The following PTPRN2 variants were observed in gnomAD, a reference collection of about 807,000 sequenced individuals.
The protein encoded by PTPRN2 is protein tyrosine phosphatase receptor type N2, also known as receptor-type tyrosine-protein phosphatase N2.
In PTPRN2, 74 loss-of-function variants were observed where a neutral mutation model predicts 118.8. That is an observed-to-expected ratio of 0.62 (90% CI 0.52 to 0.76). The LOEUF (loss-of-function observed/expected upper bound fraction) is 0.76, where lower values mean the gene tolerates loss of function less well. PTPRN2 is among the 30% of genes least tolerant of loss of function. PTPRN2 has a pLI of 0.00. For missense variants in PTPRN2, 1,481 were observed against 1,394.4 expected (o/e 1.06, Z -0.99); for synonymous variants, 641 against 608.0 (o/e 1.05, Z -0.80).
At chr7:157,679,638 C>G (rs1796824387) in intron 13 of PTPRN2, among the ~76,000 whole-genome samples, 1 of 152,208 alleles carries the variant, frequency 6.6e-6, no homozygotes, top group Non-Finnish European at 1.5e-5. Context: ...GAAAAGCTCT[C>G]TTACTCCCCA....
intron 9 of PTPRN2, among the ~76,000 whole-genome samples, chr7:158,122,564 T>C (rs1289302984): frequency 6.6e-6 from 1 of 152,098 alleles, no homozygotes; most frequent in Non-Finnish European, 1.5e-5. Flanking sequence ...GTCGGAAATA[T>C]AAAGAGTAGT....
chr7:158,096,904 T>C (rs1814672650), intron 10 of PTPRN2, among the ~76,000 whole-genome samples: 1 of 152,232 alleles, frequency 6.6e-6, no homozygotes, highest in Admixed American at 6.5e-5. Context: ...CTGCGGGGGC[T>C]CTTGGCTTTG....
chr7:157,719,333 A>AG (rs1222861234), intron 12 of PTPRN2, among the ~76,000 whole-genome samples: 5 of 152,190 alleles, frequency 3.3e-5, no homozygotes, highest in Admixed American at 6.5e-5. Context: ...GTGCTTCCCA[A>AG]GGGACCCTGA....
At chr7:158,514,902 G>T (rs890375907) in intron 1 of PTPRN2, among the ~76,000 whole-genome samples, 1 of 152,170 alleles carries the variant, frequency 6.6e-6, no homozygotes, top group African/African-American at 2.4e-5. Context: ...TGCTGCTCCT[G>T]GACCCGCTCT....
chr7:158,024,725 G>A (rs1807140708), intron 11 of PTPRN2, among the ~76,000 whole-genome samples: 1 of 152,172 alleles, frequency 6.6e-6, no homozygotes, highest in Admixed American at 6.5e-5. Context: ...GCAGGAAGGG[G>A]GCCAAGGCCA....
At position 157,541,422 on chromosome 7, in the gene PTPRN2, C is replaced by T. The variant is rs1329349516; in HGVS notation, c.2977-637G>A. On this transcript the variant is annotated intron_variant, in intron 22 of 22. Coordinates refer to ENST00000389418, the MANE Select transcript of PTPRN2 (RefSeq NM_002847.5). ...CACCTGAGGGGCACCCCTCCCTCCA[C>T]GGACAGCCTGCCGAGAGCATCCAGT... 3.3e-5 allele frequency among the ~76,000 whole-genome samples: 5 copies of T among 152,390 alleles called. No individual in the cohort carries two copies. The South Asian group carries it at 6.2e-4, about 19-fold the overall frequency.
intron 5 of PTPRN2, among the ~76,000 whole-genome samples, chr7:158,188,082 C>A (rs1021765305): frequency 1.3e-5 from 2 of 152,078 alleles, no homozygotes; most frequent in Admixed American, 1.3e-4. Context: ...AAGAGATGAA[C>A]CCCCAGTGGC....
intron 12 of PTPRN2, among the ~76,000 whole-genome samples, chr7:157,870,543 T>C (rs905005205): frequency 3.3e-5 from 5 of 152,366 alleles, no homozygotes; most frequent in African/African-American, 1.2e-4. Flanking sequence ...CTTTTCAAAC[T>C]GATATATTCT....
intron 11 of PTPRN2, among the ~76,000 whole-genome samples, chr7:158,053,390 C>T (rs1017937506): frequency 9.2e-5 from 14 of 152,172 alleles, no homozygotes; most frequent in Non-Finnish European, 1.6e-4. Context: ...CACAGCACAG[C>T]GAACTCCGAT....
chr7:158,270,785 C>CCCCCA (rs1798302155), intron 3 of PTPRN2, among the ~76,000 whole-genome samples: 1 of 121,450 alleles, frequency 8.2e-6, no homozygotes, highest in African/African-American at 3.3e-5. Flanking sequence ...CCTGGACCAC[C>CCCCCA]CCTCCACCTG....
chr7:158,465,676 C>T (rs1354477788), intron 2 of PTPRN2, among the ~76,000 whole-genome samples: 1 of 152,242 alleles, frequency 6.6e-6, no homozygotes, highest in East Asian at 1.9e-4. Flanking sequence ...CAAGTACCAG[C>T]TGTTTAACCA....
intron 12 of PTPRN2, among the ~76,000 whole-genome samples, chr7:157,709,028 TAC>T (rs1798468769): frequency 6.6e-6 from 1 of 152,200 alleles, no homozygotes; most frequent in Admixed American, 6.5e-5. Context: ...GGCTGGAGAC[TAC>T]AGTCTGGACC....
chr7:157,633,341 C>G (rs1462925170), intron 14 of PTPRN2, among the ~76,000 whole-genome samples: 3 of 152,142 alleles, frequency 2.0e-5, no homozygotes, highest in Non-Finnish European at 4.4e-5. Flanking sequence ...CAGGGTTTTA[C>G]CATGTTGGCC....
chr7:158,373,338 G>A (rs887000898), intron 2 of PTPRN2, among the ~76,000 whole-genome samples: 9 of 151,956 alleles, frequency 5.9e-5, no homozygotes, highest in Non-Finnish European at 1.2e-4. Context: ...TTGCTAAAAG[G>A]TTGAAGGCAC....
chr7:157,772,569 A>G (rs1420081666), intron 12 of PTPRN2, among the ~76,000 whole-genome samples: 1 of 152,168 alleles, frequency 6.6e-6, no homozygotes, highest in Non-Finnish European at 1.5e-5. Context: ...ACCGCCTGTG[A>G]ACGACTGTGA....
intron 13 of PTPRN2, 23 bp downstream of exon 13, chr7:157,682,702 C>CT: frequency 5.6e-6 from 9 of 1,598,712 alleles, no homozygotes; most frequent in Non-Finnish European, 7.7e-6. Context: ...CGATATACCA[C>CT]TTTTTAAAAA....
At chr7:158,562,406 T>A (rs1050158476) in intron 1 of PTPRN2, among the ~76,000 whole-genome samples, 2 of 152,092 alleles carry the variant, frequency 1.3e-5, no homozygotes, top group Non-Finnish European at 2.9e-5. Flanking sequence ...TTTCAACACA[T>A]GCACTTGCGG....
chr7:157,698,922 C>T (rs533812760), intron 12 of PTPRN2, among the ~76,000 whole-genome samples: 1 of 152,182 alleles, frequency 6.6e-6, no homozygotes, highest in African/African-American at 2.4e-5. Flanking sequence ...AGACTCATTA[C>T]CACATGAACA....
At position 158,440,483 on chromosome 7, in the gene PTPRN2, ATGG is replaced by A. The variant is rs1216732593; in HGVS notation, c.163+49249_163+49251del. On this transcript the variant is annotated intron_variant, in intron 2 of 22. Transcript: ENST00000389418. ...AGTAGCTATGGGTGTGGTGGTGATG[ATGG>A]TGGTGATGGTAGTGATGGTAATAGG... 5.4e-5 allele frequency among the ~76,000 whole-genome samples: 8 copies of A among 147,314 alleles called. No individual in the cohort carries two copies. The Middle Eastern group carries it at 0.011, about 199-fold the overall frequency.
Sources: gnomAD v4.1 joint callset for allele counts (sites outside exome capture counted in the v4.1 genomes callset) on GRCh38, gnomAD v4.1.1 for gene constraint, MANE v1.5 for transcripts, NCBI Gene and HGNC (gene_info 2026-07-23, HGNC 2026-07-21) for gene names.